The following CNBD1 variants were observed in gnomAD, a reference collection of about 807,000 sequenced individuals.
CNBD1 encodes cyclic nucleotide-binding domain-containing protein 1.
CNBD1 carries 71 observed loss-of-function variants against 54.4 expected under a neutral mutation model. That is an observed-to-expected ratio of 1.30 (90% CI 1.08 to 1.59). CNBD1 has a LOEUF of 1.59. CNBD1 is among the 40% of genes most tolerant of loss of function. The pLI, the probability that CNBD1 is intolerant of heterozygous loss-of-function variation, is 0.00. For missense variants in CNBD1, 659 were observed against 518.0 expected, an observed-to-expected ratio of 1.27 and a Z score of -2.64; for synonymous variants, 182 against 170.7, an observed-to-expected ratio of 1.07 and a Z score of -0.51.
chr8:86,984,801 T>G (rs1307567815), intron 4 of CNBD1, among the ~76,000 whole-genome samples: 1 of 152,168 alleles, frequency 6.6e-6, no homozygotes, highest in East Asian at 1.9e-4. Context: ...GATTTTGATT[T>G]TACAGGCTCA....
intron 4 of CNBD1, among the ~76,000 whole-genome samples, chr8:87,191,993 T>C (rs569468172): frequency 1.3e-5 from 2 of 152,154 alleles, no homozygotes; most frequent in Non-Finnish European, 2.9e-5. Context: ...TAATTGGTTG[T>C]GAATCTAAAG....
intron 10 of CNBD1, among the ~76,000 whole-genome samples, chr8:87,366,155 T>A (rs1586050364): frequency 6.6e-6 from 1 of 152,074 alleles, no homozygotes; most frequent in South Asian, 2.1e-4. Flanking sequence ...AATACTCATT[T>A]ATCATCTCAC....
chr8:87,245,605 G>T (rs1311983873), intron 6 of CNBD1, among the ~76,000 whole-genome samples: 1 of 151,040 alleles, frequency 6.6e-6, no homozygotes, highest in Non-Finnish European at 1.5e-5. Context: ...TCAACTTTAT[G>T]TAAGATTAAA....
chr8:87,286,714 A>T, intron 8 of CNBD1, 43 bp downstream of exon 8: 2 of 1,352,614 alleles, frequency 1.5e-6, no homozygotes, highest in Non-Finnish European at 2.0e-6. Context: ...GCATTCTGTT[A>T]TATTATTGGA....
At chr8:86,999,544 A>C (rs1259067895) in intron 4 of CNBD1, among the ~76,000 whole-genome samples, 1 of 152,044 alleles carries the variant, frequency 6.6e-6, no homozygotes, top group African/African-American at 2.4e-5. Context: ...GGTATTTAAA[A>C]AAAAAAAAAA....
At chr8:87,147,504 A>G (rs1812514468) in intron 4 of CNBD1, among the ~76,000 whole-genome samples, 1 of 152,080 alleles carries the variant, frequency 6.6e-6, no homozygotes, top group Non-Finnish European at 1.5e-5. Flanking sequence ...TTATCATCCA[A>G]GAATTTAAAA....
At chr8:87,070,959 G>A (rs985829093) in intron 4 of CNBD1, among the ~76,000 whole-genome samples, 1 of 151,912 alleles carries the variant, frequency 6.6e-6, no homozygotes, top group Non-Finnish European at 1.5e-5. Flanking sequence ...AAATGGGATA[G>A]GATAATGTTT....
chr8:87,355,581 A>G (rs898992906), intron 10 of CNBD1, among the ~76,000 whole-genome samples: 4 of 152,188 alleles, frequency 2.6e-5, no homozygotes, highest in Non-Finnish European at 5.9e-5. Flanking sequence ...ATAGAAGCTA[A>G]TAAGTTGTAA....
chr8:86,957,092 T>G (rs1212434044), intron 4 of CNBD1, among the ~76,000 whole-genome samples: 1 of 152,012 alleles, frequency 6.6e-6, no homozygotes, highest in African/African-American at 2.4e-5. Context: ...AATAATCGTG[T>G]GTTTTGTCTT....
chr8:87,398,712 T>C (rs1385405425), intron 2 of CNBD1, among the ~76,000 whole-genome samples: 1 of 152,028 alleles, frequency 6.6e-6, no homozygotes, highest in Admixed American at 6.6e-5. Flanking sequence ...TTCCTCTGTC[T>C]TAGAAGTTTA....
intron 10 of CNBD1, among the ~76,000 whole-genome samples, chr8:87,355,650 G>GTACAATAAAACTGGGAGT (rs1233614376): frequency 1.3e-5 from 2 of 152,140 alleles, no homozygotes; most frequent in Non-Finnish European, 2.9e-5. Context: ...AGTAAAGGAT[G>GTACAATAAAACTGGGAGT]AAAGCAAAGA....
intron 4 of CNBD1, among the ~76,000 whole-genome samples, chr8:87,138,855 A>G (rs984904449): frequency 6.6e-6 from 1 of 152,238 alleles, no homozygotes; most frequent in Non-Finnish European, 1.5e-5. Flanking sequence ...GCCCTGGTGA[A>G]TGAATCAACA....
chr8:87,356,274 T>A (rs537289496), intron 10 of CNBD1, among the ~76,000 whole-genome samples: 1 of 151,852 alleles, frequency 6.6e-6, no homozygotes, highest in Admixed American at 6.6e-5. Context: ...GTTGGAAGAG[T>A]TTGAAAGTCT....
chr8:87,291,102 C>A lies in CNBD1; in HGVS notation c.1042+4431C>A, dbSNP rs564146057. Among the ~76,000 whole-genome samples, 9 of 152,292 alleles carry A rather than the reference C, an allele frequency of 5.9e-5. No individual in the cohort carries two copies. The South Asian group carries it at 1.7e-3, about 28-fold the overall frequency. On this transcript the variant is annotated intron_variant, in intron 8 of 10. Transcript: ENST00000518476. ...CACTTAGAAATAGTCTATGTCCTCT[C>A]ATTGTTATTCAGGTAAAATGCAAAA...
chr8:87,128,317 C>T (rs902604334), intron 4 of CNBD1, among the ~76,000 whole-genome samples: 1 of 152,170 alleles, frequency 6.6e-6, no homozygotes, highest in Non-Finnish European at 1.5e-5. Flanking sequence ...TTGGGAGTTG[C>T]AGACACTCAA....
downstream of CNBD1, among the ~76,000 whole-genome samples, chr8:87,386,334 G>T (rs1056615994): frequency 6.6e-6 from 1 of 151,882 alleles, no homozygotes; most frequent in African/African-American, 2.4e-5. Flanking sequence ...CAGGAAGTTC[G>T]AACCCATGGC....
intron 8 of CNBD1, among the ~76,000 whole-genome samples, chr8:87,336,146 A>G (rs1484431820): frequency 2.0e-5 from 3 of 151,940 alleles, no homozygotes; most frequent in South Asian, 2.1e-4. Flanking sequence ...ACTCATTTCA[A>G]CCTTGGAGAA....
At chr8:87,031,005 GA>G (rs990015040) in intron 4 of CNBD1, among the ~76,000 whole-genome samples, 2 of 140,602 alleles carry the variant, frequency 1.4e-5, no homozygotes, top group East Asian at 2.1e-4. Context: ...TTGTAATCTG[GA>G]AAAAAAATTC....
At position 87,412,963 on chromosome 8, in the gene CNBD1, T is replaced by A. The variant is rs1455437439; in HGVS notation, c.214-15583T>A. The stretch of plus-strand genomic sequence containing the variant: ...ATGATTTCTGGTCCTGTCCTTGTCC[T>A]GTACCTGTGAAGATAAGCTAGTAAT... On this transcript the variant is annotated intron_variant, in intron 2 of 7. Coordinates refer to the CNBD1 transcript ENST00000521593. Among the ~76,000 whole-genome samples, 5 of 152,070 alleles carry A rather than the reference T, an allele frequency of 3.3e-5. No individual in the cohort carries two copies. The East Asian group carries it at 7.7e-4, about 24-fold the overall frequency.
Sources: allele counts gnomAD v4.1 joint callset (sites outside exome capture counted in the v4.1 genomes callset), GRCh38; gene constraint gnomAD v4.1.1; transcripts MANE v1.5; gene names NCBI Gene and HGNC (gene_info 2026-07-23, HGNC 2026-07-21).